Variants in WDR88 observed in about 807,000 individuals in gnomAD.
WDR88 encodes WD repeat domain 88.
A neutral mutation model predicts 46.8 loss-of-function variants in WDR88; 40 were observed. The observed-to-expected ratio is 0.86, with a 90% CI of 0.66 to 1.11. The LOEUF is 1.11. WDR88 is among the 50% of genes most tolerant of loss of function. The pLI, the probability that WDR88 is intolerant of heterozygous loss-of-function variation, is 0.00. For missense variants in WDR88, 562 were observed against 602.4 expected (o/e 0.93, Z 0.70); for synonymous variants, 235 against 240.7 (o/e 0.98, Z 0.22).
At chr19:33,153,358 C>A (rs895581483) in intron 6 of WDR88, among the ~76,000 whole-genome samples, 8 of 151,716 alleles carry the variant, frequency 5.3e-5, no homozygotes, top group African/African-American at 1.9e-4. Flanking sequence ...AGCCACTGCA[C>A]CTGGCCTGTT....
intron 1 of WDR88, among the ~76,000 whole-genome samples, chr19:33,134,829 A>C (rs2145356953): frequency 3.8e-5 from 5 of 131,284 alleles, no homozygotes; most frequent in Admixed American, 1.5e-4. Context: ...CTCCACCTGC[A>C]CGTCCCCGAC....
intron 9 of WDR88, among the ~76,000 whole-genome samples, chr19:33,170,057 A>G (rs11882143): frequency 5.4e-4 from 82 of 150,534 alleles, no homozygotes; most frequent in African/African-American, 1.9e-3. Context: ...TTGTATTTTT[A>G]GTACAGACGG....
intron 6 of WDR88, among the ~76,000 whole-genome samples, chr19:33,154,991 G>C (rs977342383): frequency 1.3e-5 from 2 of 152,116 alleles, no homozygotes; most frequent in Non-Finnish European, 2.9e-5. Context: ...TTATGATCCA[G>C]GCTACTCAGA....
At chr19:33,162,326 G>A (rs1268739850) in intron 8 of WDR88, among the ~76,000 whole-genome samples, 1 of 151,898 alleles carries the variant, frequency 6.6e-6, no homozygotes, top group Non-Finnish European at 1.5e-5. Flanking sequence ...TCAGCCTCCT[G>A]AGTAGCTGGG....
chr19:33,156,344 C>G lies in WDR88; in HGVS notation c.810-11C>G. ...AGCGCTAATGTGTGCACCCCACCAT[C>G]TGTGTTTCAGGGCACATTCCAATGC... On this transcript the variant is annotated splice_polypyrimidine_tract_variant and intron_variant, in intron 6 of 10. Transcript: ENST00000355868. 1.2e-6 allele frequency: 2 copies of G among 1,613,178 alleles called. No homozygotes were observed. The highest frequency in any genetic ancestry group is 1.7e-6 in the Non-Finnish European group (2 of 1,179,536).
intron 2 of WDR88, among the ~76,000 whole-genome samples, chr19:33,138,646 C>T (rs1469027612): frequency 6.6e-6 from 1 of 151,436 alleles, no homozygotes; most frequent in Non-Finnish European, 1.5e-5. Flanking sequence ...CGTGCCTGGC[C>T]CCCACACCTT....
rs777859276 is a variant in WDR88 at position 33,174,233 on chromosome 19, T to C, written c.1243-1163T>C. On this transcript the variant is annotated intron_variant, in intron 10 of 10. Transcript: ENST00000355868. ...GAAGCAAGGATGAGCCTGCTGCATT[T>C]GACTTGCTCTGAATCAATCAACATG... 6.5e-6 allele frequency: 10 copies of C among 1,536,466 alleles called. 1 individual carries two copies. In the South Asian group the frequency reaches 9.5e-5, roughly 15 times the overall value.
At chr19:33,156,254 G>C in intron 6 of WDR88, 101 bp from the exon 7 acceptor site, 1 of 1,270,860 alleles carries the variant, frequency 7.9e-7, no homozygotes, top group South Asian at 1.4e-5. Flanking sequence ...TGTGCAGCCC[G>C]ACCATGAGCT....
At chr19:33,137,637 C>T in intron 1 of WDR88, 40 bp from the exon 2 acceptor site, 1 of 1,517,772 alleles carries the variant, frequency 6.6e-7, no homozygotes, top group Non-Finnish European at 9.1e-7. Context: ...ATTTTGTGTC[C>T]TGCAACATGT....
At chr19:33,156,658 G>A (rs1371706466) in intron 7 of WDR88, 116 bp downstream of exon 7, 1 of 1,224,214 alleles carries the variant, frequency 8.2e-7, no homozygotes, top group Non-Finnish European at 1.1e-6. Context: ...AGGGAGGGCG[G>A]ATTCTTCCCC....
chr19:33,137,018 C>T (rs954700489), intron 1 of WDR88, among the ~76,000 whole-genome samples: 1 of 151,862 alleles, frequency 6.6e-6, no homozygotes, highest in African/African-American at 2.4e-5. Flanking sequence ...GTAACGTTAA[C>T]CTTCTGGGCT....
chr19:33,138,810 G>A (rs1373886469), intron 2 of WDR88, among the ~76,000 whole-genome samples: 1 of 151,542 alleles, frequency 6.6e-6, no homozygotes, highest in Non-Finnish European at 1.5e-5. Flanking sequence ...AGCCTCCCTA[G>A]TAGCTGGGAC....
intron 6 of WDR88, among the ~76,000 whole-genome samples, chr19:33,153,503 C>T (rs1184298490): frequency 2.0e-5 from 3 of 152,072 alleles, no homozygotes; most frequent in South Asian, 2.1e-4. Context: ...GCCCGACCGA[C>T]ATTATGAATT....
chr19:33,157,687 G>C (rs12979941), intron 7 of WDR88, among the ~76,000 whole-genome samples: 1 of 3,392 alleles, frequency 2.9e-4, no homozygotes, highest in African/African-American at 1.5e-3. Context: ...GTGTATGTAT[G>C]TATATATATA....
At chr19:33,155,936 G>GGTGT (rs1973725894) in intron 6 of WDR88, among the ~76,000 whole-genome samples, 1 of 152,342 alleles carries the variant, frequency 6.6e-6, no homozygotes, top group African/African-American at 2.4e-5. Context: ...TGTCCACCTT[G>GGTGT]GTGTGGTTGG....
chr19:33,174,299 A>G (rs4805856), intron 10 of WDR88: 180,808 of 1,529,318 alleles, frequency 0.12, 14,627 homozygotes, highest in Admixed American at 0.35. Flanking sequence ...TGCCCCAGGT[A>G]GGGTTTACCC....
At chr19:33,168,407 A>G (rs887388346) in intron 9 of WDR88, among the ~76,000 whole-genome samples, 2 of 152,250 alleles carry the variant, frequency 1.3e-5, no homozygotes, top group African/African-American at 4.8e-5. Context: ...ACTAAAGCTA[A>G]TAAATGAATT....
chr19:33,160,480 G>A lies in WDR88; in HGVS notation c.1064G>A (p.Arg355Gln), dbSNP rs150713418. Residue 355 changes from arginine (R) to glutamine (Q), a missense_variant, in exon 8 of 11, where the codon CGG becomes CAG. By Grantham distance (43) the Arg-to-Gln change is conservative (BLOSUM62 1). Transcript: ENST00000355868. ...VAIWDVAEGY[R>Q]KLSLKGHNDW... ...ATTTGGGATGTAGCAGAAGGCTACCGGAAGCTCTCTTTGAAGGTACATGTG... is the reference window on the plus strand; with the variant it reads ...ATTTGGGATGTAGCAGAAGGCTACCAGAAGCTCTCTTTGAAGGTACATGTG... 6.5e-4 allele frequency: 1,051 copies of A among 1,614,186 alleles called. 3 individuals carry two copies. The highest frequency in any genetic ancestry group is 1.5e-3 in the South Asian group (138 of 91,086).
chr19:33,146,861 G>A (rs145179719), intron 3 of WDR88, among the ~76,000 whole-genome samples: 149 of 152,146 alleles, frequency 9.8e-4, no homozygotes, highest in African/African-American at 3.4e-3. Context: ...CCCTAGGGTG[G>A]GTGATGGAGC....
Sources: allele counts gnomAD v4.1 joint callset (sites outside exome capture counted in the v4.1 genomes callset), GRCh38; gene constraint gnomAD v4.1.1; transcripts MANE v1.5; gene names NCBI Gene and HGNC (gene_info 2026-07-23, HGNC 2026-07-21).